Variants in SYTL5 observed in about 807,000 individuals in gnomAD.
The protein encoded by SYTL5 is synaptotagmin-like protein 5.
In SYTL5, 34 loss-of-function variants were observed where a neutral mutation model predicts 55.9. The observed-to-expected ratio is 0.61, with a 90% CI of 0.46 to 0.81. SYTL5 has a LOEUF of 0.81. Ranked by LOEUF, SYTL5 falls within the 30% of genes least tolerant of loss-of-function variation. SYTL5 has a pLI of 0.00. For missense variants in SYTL5, 637 were observed against 546.7 expected (o/e 1.17, Z -1.65); for synonymous variants, 221 against 188.7 (o/e 1.17, Z -1.40).
chrX:37,940,622 A>G, the SYTL5 span, among the ~76,000 whole-genome samples: 1 of 106,677 alleles, frequency 9.4e-6, no homozygotes, highest in African/African-American at 3.4e-5. Flanking sequence ...ATATATATAT[A>G]TATGTATATA....
chrX:37,915,196 A>G, the SYTL5 span, among the ~76,000 whole-genome samples: 2 of 111,101 alleles, frequency 1.8e-5, no homozygotes, highest in East Asian at 5.6e-4. Context: ...GTTGGGTAAA[A>G]TGGTAGTGAG....
chrX:37,899,770 T>C, the SYTL5 span, among the ~76,000 whole-genome samples: 1 of 111,413 alleles, frequency 9.0e-6, no homozygotes, highest in Non-Finnish European at 1.9e-5. Context: ...ATATATTGGG[T>C]ACCTATAAGA....
the SYTL5 span, among the ~76,000 whole-genome samples, chrX:37,975,817 C>T: frequency 6.2e-5 from 7 of 112,191 alleles, no homozygotes; most frequent in African/African-American, 2.3e-4. Flanking sequence ...GGATGTGAAC[C>T]TCAATATATA....
At chrX:37,893,425 CTA>C in the SYTL5 span, among the ~76,000 whole-genome samples, 3 of 94,597 alleles carry the variant, frequency 3.2e-5, no homozygotes, top group Non-Finnish European at 6.1e-5. Flanking sequence ...TATATATCAT[CTA>C]TATATAATAC....
At chrX:38,079,136 A>T (rs2147448750) in intron 6 of SYTL5, among the ~76,000 whole-genome samples, 1 of 111,671 alleles carries the variant, frequency 9.0e-6, no homozygotes, top group South Asian at 3.8e-4. Context: ...AACTTCCATC[A>T]TCTGAAGAGA....
chrX:37,984,925 C>T, the SYTL5 span, among the ~76,000 whole-genome samples: 3 of 111,789 alleles, frequency 2.7e-5, no homozygotes, highest in East Asian at 2.8e-4. Flanking sequence ...AAATCCAAAA[C>T]CATTTCAAGA....
chrX:38,083,774 A>ATGTGTGTGTGTGTGTG lies in SYTL5; in HGVS notation c.690-5652_690-5637dup, dbSNP rs3068306. 4.2e-3 allele frequency among the ~76,000 whole-genome samples: 392 copies of ATGTGTGTGTGTGTGTG among 94,329 alleles called. 4 individuals carry two copies. The highest frequency in any genetic ancestry group is 0.014 in the African/African-American group (346 of 24,239). The allele number at this position is 94,329 out of a possible 115,157, so 81.9% of individuals were successfully genotyped here. A position where few individuals can be genotyped will look rare whatever the true frequency, so the allele number is the denominator to read the frequency against. On this transcript the variant is annotated intron_variant, in intron 6 of 16. Transcript: ENST00000297875. ...AAGAGTTTAGTTTTTAAATAGACTC[A>ATGTGTGTGTGTGTGTG]TGTGTGTGTGTGTGTGTGTGTGTGT...
At chrX:38,117,834 T>A (rs1165879966) in intron 13 of SYTL5, among the ~76,000 whole-genome samples, 1 of 111,769 alleles carries the variant, frequency 8.9e-6, no homozygotes, top group Non-Finnish European at 1.9e-5. Context: ...AGAGGAAGCA[T>A]TCGGAAATAT....
intron 3 of SYTL5, among the ~76,000 whole-genome samples, chrX:38,067,433 T>C (rs1398675381): frequency 9.0e-6 from 1 of 111,463 alleles, no homozygotes; most frequent in African/African-American, 3.3e-5. Context: ...TTAGCAATTT[T>C]TAGTCACTGA....
chrX:37,938,837 C>A, the SYTL5 span, among the ~76,000 whole-genome samples: 3 of 112,148 alleles, frequency 2.7e-5, no homozygotes, highest in African/African-American at 9.7e-5. Context: ...CTAAGACAGA[C>A]CTTCTGGCAA....
At chrX:38,066,682 G>A (rs968560332) in intron 3 of SYTL5, among the ~76,000 whole-genome samples, 1 of 111,136 alleles carries the variant, frequency 9.0e-6, no homozygotes, top group Non-Finnish European at 1.9e-5. Context: ...CACAATCACA[G>A]CCAATCATAT....
intron 2 of SYTL5, among the ~76,000 whole-genome samples, chrX:38,042,415 C>G (rs1437994600): frequency 9.0e-6 from 1 of 111,384 alleles, no homozygotes; most frequent in African/African-American, 3.3e-5. Flanking sequence ...TGTTTTCAAT[C>G]TTCATTTGGT....
chrX:38,105,418 C>T (rs1426201364), intron 10 of SYTL5, among the ~76,000 whole-genome samples: 1 of 112,649 alleles, frequency 8.9e-6, no homozygotes, highest in Non-Finnish European at 1.9e-5. Flanking sequence ...GTAAGATGAA[C>T]ACTGGTTGGG....
the SYTL5 span, among the ~76,000 whole-genome samples, chrX:37,957,426 G>C: frequency 1.8e-5 from 2 of 111,882 alleles, no homozygotes; most frequent in African/African-American, 6.5e-5. Context: ...TTACACTTAA[G>C]TCTTTAACTC....
intron 6 of SYTL5, among the ~76,000 whole-genome samples, chrX:38,087,259 G>A (rs142882043): frequency 0.029 from 3,222 of 111,570 alleles, 50 homozygotes; most frequent in Non-Finnish European, 0.042. Context: ...TTGTTCTAAA[G>A]AACCTATGGT....
intron 14 of SYTL5, 104 bp from the exon 15 acceptor site, chrX:38,121,976 T>C: frequency 1.3e-6 from 1 of 778,068 alleles, no homozygotes; most frequent in Non-Finnish European, 1.7e-6. Flanking sequence ...GCAAATGAAA[T>C]ATATGTTTGT....
chrX:38,125,627 C>T lies in SYTL5; in HGVS notation c.2050+121C>T, dbSNP rs150021953. ...AGTTTCAGCTAAATCCTGAAATTACCACAAATACTTCATTCCTTTAGCTAA... is the reference window on the plus strand; with the variant it reads ...AGTTTCAGCTAAATCCTGAAATTACTACAAATACTTCATTCCTTTAGCTAA... On this transcript the variant is annotated intron_variant, in intron 16 of 16. Coordinates refer to ENST00000297875, the MANE Select transcript of SYTL5 (RefSeq NM_138780.3). 8 of 504,518 alleles carry T rather than the reference C, an allele frequency of 1.6e-5. No homozygotes were observed. The Admixed American group carries it at 2.8e-4, about 18-fold the overall frequency. 41.6% of individuals were successfully genotyped at this position (504,518 alleles called of 1,213,427 possible).
intron 4 of SYTL5, among the ~76,000 whole-genome samples, chrX:38,072,948 C>T (rs1354023884): frequency 9.0e-6 from 1 of 111,602 alleles, no homozygotes; most frequent in African/African-American, 3.3e-5. Context: ...GACAAGTGCC[C>T]TTGTATTTAA....
chrX:38,122,331 G>C, intron 15 of SYTL5, 116 bp downstream of exon 15: 1 of 573,340 alleles, frequency 1.7e-6, no homozygotes, highest in Non-Finnish European at 2.7e-6. Context: ...AAGTGTATGG[G>C]TGAGAACTAC....
Sources: allele counts gnomAD v4.1 joint callset (sites outside exome capture counted in the v4.1 genomes callset), GRCh38; gene constraint gnomAD v4.1.1; transcripts MANE v1.5; gene names NCBI Gene and HGNC (gene_info 2026-07-23, HGNC 2026-07-21).